The following CD200R1L variants were observed in gnomAD, a reference collection of about 807,000 sequenced individuals.
The protein encoded by CD200R1L is CD200 receptor 1 like.
A neutral mutation model predicts 24.8 loss-of-function variants in CD200R1L; 14 were observed. The ratio of observed to expected loss-of-function variants is 0.56; its 90% CI spans 0.37 to 0.88. The LOEUF (loss-of-function observed/expected upper bound fraction) is 0.88, where lower values mean the gene tolerates loss of function less well. Ranked by LOEUF, CD200R1L falls within the 40% of genes least tolerant of loss-of-function variation. CD200R1L has a pLI of 0.00. For missense variants in CD200R1L, 299 were observed against 297.8 expected (o/e 1.00, Z -0.03); for synonymous variants, 111 against 109.2 (o/e 1.02, Z -0.11).
intron 2 of CD200R1L, among the ~76,000 whole-genome samples, chr3:112,841,913 C>A (rs1402984475): frequency 1.3e-5 from 2 of 152,218 alleles, no homozygotes; most frequent in Non-Finnish European, 2.9e-5. Flanking sequence ...GAGGAGCCCC[C>A]ACTCTCAGAA....
intron 3 of CD200R1L, among the ~76,000 whole-genome samples, chr3:112,834,061 A>G (rs1216913403): frequency 6.6e-6 from 1 of 152,128 alleles, no homozygotes; most frequent in Non-Finnish European, 1.5e-5. Context: ...TGCCAGCTTC[A>G]TGGAGCACTG....
intron 3 of CD200R1L, among the ~76,000 whole-genome samples, chr3:112,831,956 A>T (rs747336328): frequency 6.6e-5 from 10 of 152,240 alleles, no homozygotes; most frequent in Non-Finnish European, 1.5e-4. Flanking sequence ...CAGTGAAAAT[A>T]TCAGTAGAAA....
Position 112,827,533 on chromosome 3 carries a change from G to C in CD200R1L, c.201C>G (p.Thr67=). 3.7e-6 allele frequency: 6 copies of C among 1,614,152 alleles called. No individual in the cohort carries two copies. The highest frequency in any genetic ancestry group is 5.1e-6 in the Non-Finnish European group (6 of 1,180,040). The change falls in exon 5 of 8, where the codon ACC becomes ACG. Residue 67 remains threonine, a synonymous_variant. Coordinates refer to ENST00000488794, the MANE Select transcript of CD200R1L (RefSeq NM_001199215.3). ...TKAYKKETNE[T]KETNCTVERI... Reference sequence around the variant, plus strand: ...TCTCAACAGTACAGTTGGTTTCCTTGGTCTCATTTGTTTCTTTCTTGTAGG... The same window carrying C: ...TCTCAACAGTACAGTTGGTTTCCTTCGTCTCATTTGTTTCTTTCTTGTAGG...
chr3:112,822,391 C>T (rs1669609239), intron 6 of CD200R1L, among the ~76,000 whole-genome samples: 1 of 152,164 alleles, frequency 6.6e-6, no homozygotes, highest in African/African-American at 2.4e-5. Flanking sequence ...CTCTCCCCTT[C>T]CATTGACCTC....
At chr3:112,827,769 A>T in intron 4 of CD200R1L, 85 bp from the exon 5 acceptor site, 1 of 1,278,220 alleles carries the variant, frequency 7.8e-7, no homozygotes, top group Non-Finnish European at 1.1e-6. Flanking sequence ...ATATTACATG[A>T]AGTTTTATTA....
At chr3:112,846,271 G>A (rs1239807721) in intron 1 of CD200R1L, among the ~76,000 whole-genome samples, 1 of 152,156 alleles carries the variant, frequency 6.6e-6, no homozygotes, top group African/African-American at 2.4e-5. Flanking sequence ...ACTTCTAATA[G>A]CTTTAATTCA....
At position 112,815,951 on chromosome 3, in the gene CD200R1L, C is replaced by G. The variant is rs1478332153; in HGVS notation, c.*12G>C. The G allele has an allele frequency of 3.8e-6, 3 of 780,320 alleles. No individual in the cohort carries two copies. In the African/African-American group the frequency reaches 5.1e-5, roughly 13 times the overall value. 48.3% of individuals were successfully genotyped at this position (780,320 alleles called of 1,614,324 possible). A position where few individuals can be genotyped will look rare whatever the true frequency, so the allele number is the denominator to read the frequency against. ...CAAGGAGGAGAAGCAAAAGAAGACC[C>G]TTCCTTCTTCTTTAAAGAACTTTTC... On this transcript the variant is annotated 3_prime_UTR_variant, in exon 8 of 8. Transcript: ENST00000488794.
At chr3:112,830,170 T>C (rs1241859575) in intron 3 of CD200R1L, among the ~76,000 whole-genome samples, 1 of 152,198 alleles carries the variant, frequency 6.6e-6, no homozygotes, top group African/African-American at 2.4e-5. Context: ...TAGAGAGACA[T>C]TTGTTTCAGT....
intron 3 of CD200R1L, among the ~76,000 whole-genome samples, chr3:112,830,714 C>A (rs1010754012): frequency 6.6e-6 from 1 of 152,002 alleles, no homozygotes. Flanking sequence ...AAAATTTCTA[C>A]ATGCCAATTT....
At chr3:112,836,526 A>C (rs1938950600) in intron 3 of CD200R1L, among the ~76,000 whole-genome samples, 1 of 152,280 alleles carries the variant, frequency 6.6e-6, no homozygotes, top group Non-Finnish European at 1.5e-5. Flanking sequence ...ACCAGGCCTC[A>C]GACCACTCAG....
chr3:112,832,032 A>C (rs1938814312), intron 3 of CD200R1L, among the ~76,000 whole-genome samples: 1 of 152,206 alleles, frequency 6.6e-6, no homozygotes, highest in African/African-American at 2.4e-5. Context: ...GAGGTGACCC[A>C]CTGAAAGGGT....
rs138989497 is a variant in CD200R1L at position 112,844,795 on chromosome 3, G to A, written c.-87+884C>T. On this transcript the variant is annotated intron_variant, in intron 2 of 7. Transcript: ENST00000488794. ...AAAAATTAGCCAGGTGTGGTGGCGG[G>A]TGCCTGTAATCCCAGCTACTCAGGA... Among the ~76,000 whole-genome samples, 865 of 152,046 alleles carry A rather than the reference G, an allele frequency of 5.7e-3. 26 individuals are homozygous for A. Among genetic ancestry groups the A allele is most frequent in the East Asian group, 0.015 (75 of 5,162 alleles).
At chr3:112,819,983 TATTCTTAA>T in intron 6 of CD200R1L, 88 bp from the exon 7 acceptor site, 2 of 1,279,812 alleles carry the variant, frequency 1.6e-6, no homozygotes, top group Non-Finnish European at 2.1e-6. Context: ...CATTTTAAAA[TATTCTTAA>T]GAGTTCATGG....
At chr3:112,836,403 T>C (rs1938947732) in intron 3 of CD200R1L, among the ~76,000 whole-genome samples, 1 of 152,264 alleles carries the variant, frequency 6.6e-6, no homozygotes, top group Non-Finnish European at 1.5e-5. Flanking sequence ...TCAATAGGAC[T>C]GTTTTTATAT....
At chr3:112,835,736 C>T (rs1309977740) in intron 3 of CD200R1L, among the ~76,000 whole-genome samples, 1 of 152,246 alleles carries the variant, frequency 6.6e-6, no homozygotes, top group African/African-American at 2.4e-5. Flanking sequence ...CAGCAACCCC[C>T]CTCGGCCTTT....
In CD200R1L at chr3:112,827,671, C is replaced by T. The variant is rs868304742; in HGVS notation, c.63G>A (p.Gln21=). Residue 21 remains glutamine, a synonymous_variant, in exon 5 of 8, where the codon CAG becomes CAA. Coordinates refer to ENST00000488794, the MANE Select transcript of CD200R1L (RefSeq NM_001199215.3). ...CAGCATTTATATCCATCAGTACAGG[C>T]TGTGAAATGTTACCTGGACACACAC... ...STIFAEGNIS[Q]PVLMDINAVL... 1 of 1,612,800 alleles carries T rather than the reference C, an allele frequency of 6.2e-7. No homozygotes were observed. The highest frequency in any genetic ancestry group is 1.3e-5 in the African/African-American group (1 of 74,940).
intron 3 of CD200R1L, among the ~76,000 whole-genome samples, chr3:112,836,423 A>G (rs1048518706): frequency 6.6e-6 from 1 of 152,244 alleles, no homozygotes; most frequent in African/African-American, 2.4e-5. Flanking sequence ...TAATGGGAGT[A>G]GGGAGAAATA....
intron 3 of CD200R1L, among the ~76,000 whole-genome samples, chr3:112,832,894 T>C (rs1586533): frequency 1 from 151,731 of 152,366 alleles, 75,554 homozygotes; most frequent in Middle Eastern, 1. Context: ...TCTGGGCATT[T>C]TGCAAAGACC....
At chr3:112,826,785 C>T (rs2107337254) in intron 6 of CD200R1L, among the ~76,000 whole-genome samples, 1 of 152,104 alleles carries the variant, frequency 6.6e-6, no homozygotes, top group East Asian at 1.9e-4. Context: ...AAAGTAAGGG[C>T]CTATAGATCA....
Sources: allele counts gnomAD v4.1 joint callset (sites outside exome capture counted in the v4.1 genomes callset), GRCh38; gene constraint gnomAD v4.1.1; transcripts MANE v1.5; gene names NCBI Gene and HGNC (gene_info 2026-07-23, HGNC 2026-07-21).